The following ALK variants were observed in gnomAD, a reference collection of about 807,000 sequenced individuals.
The protein encoded by ALK is ALK receptor tyrosine kinase, also known as ALK tyrosine kinase receptor.
In ALK, 74 loss-of-function variants were observed where a neutral mutation model predicts 163.1. The observed-to-expected ratio is 0.45, with a 90% CI of 0.38 to 0.55. The LOEUF (loss-of-function observed/expected upper bound fraction) is 0.55. ALK is among the 20% of genes least tolerant of loss of function. ALK has a pLI of 0.00. For synonymous variants in ALK, 960 were observed against 843.2 expected, an observed-to-expected ratio of 1.14 and a Z score of -2.40; for missense variants, 2,063 against 2,105.3, an observed-to-expected ratio of 0.98 and a Z score of 0.39.
intron 5 of ALK, among the ~76,000 whole-genome samples, chr2:29,381,646 A>G (rs1317283317): frequency 6.6e-6 from 1 of 152,230 alleles, no homozygotes; most frequent in African/African-American, 2.4e-5. Flanking sequence ...ACCTTCCTAC[A>G]GTCCTGGCCA....
At chr2:29,667,447 G>A (rs910725889) in intron 3 of ALK, among the ~76,000 whole-genome samples, 7 of 151,838 alleles carry the variant, frequency 4.6e-5, no homozygotes, top group African/African-American at 1.7e-4. Context: ...TGTTAGCTGT[G>A]GGTTTCTCAC....
At chr2:29,897,541 T>C (rs1182133773) in intron 1 of ALK, among the ~76,000 whole-genome samples, 1 of 152,092 alleles carries the variant, frequency 6.6e-6, no homozygotes, top group Admixed American at 6.5e-5. Flanking sequence ...AGGATTCTCT[T>C]GGGAGGCTTT....
intron 3 of ALK, among the ~76,000 whole-genome samples, chr2:29,685,821 C>CA (rs1484590943): frequency 6.6e-6 from 1 of 152,202 alleles, no homozygotes; most frequent in Non-Finnish European, 1.5e-5. Context: ...TGCGTTCCTT[C>CA]TGAATGAGCT....
chr2:29,883,449 T>A (rs997885808), intron 1 of ALK, among the ~76,000 whole-genome samples: 1 of 152,242 alleles, frequency 6.6e-6, no homozygotes, highest in Non-Finnish European at 1.5e-5. Flanking sequence ...TCCTCTGGCC[T>A]CTGCCCTGTG....
intron 26 of ALK, among the ~76,000 whole-genome samples, chr2:29,202,572 A>G (rs569793699): frequency 2.6e-5 from 4 of 152,256 alleles, no homozygotes; most frequent in Non-Finnish European, 5.9e-5. Context: ...TTTTTAAACA[A>G]TGCGTGAAAG....
chr2:29,232,395 C>T lies in ALK; in HGVS notation c.2541G>A (p.Arg847=). 6.2e-7 allele frequency: 1 copy of T among 1,614,254 alleles called. No homozygotes were observed. The highest frequency in any genetic ancestry group is 8.5e-7 in the Non-Finnish European group (1 of 1,180,050). ...ACGTGTCTGTCTTGGCCCCGTAGGCCCTGCCACCACCTCCGGCTGCAATGA... is the reference window on the plus strand; with the variant it reads ...ACGTGTCTGTCTTGGCCCCGTAGGCTCTGCCACCACCTCCGGCTGCAATGA... ...PLIIAAGGGG[R]AYGAKTDTFH... is the part of the protein sequence containing the mutation. The change falls in exon 15 of 29, where the codon AGG becomes AGA. Residue 847 remains arginine (R), a synonymous_variant. Coordinates refer to ENST00000389048, the MANE Select transcript of ALK (RefSeq NM_004304.5).
In ALK at chr2:29,920,031, G is replaced by A. The variant is rs1382146302; in HGVS notation, c.629C>T (p.Ala210Val). 1.9e-6 allele frequency: 3 copies of A among 1,614,008 alleles called. No individual in the cohort carries two copies. Among genetic ancestry groups the A allele is most frequent in the Non-Finnish European group, 2.5e-6 (3 of 1,180,040 alleles). Residue 210 changes from alanine to valine, a missense_variant, in exon 1 of 29, where the codon GCC becomes GTC. This residue lies in a region of ALK where 987 missense variants were observed against 939.5 expected (regional missense o/e 1.05). Coordinates refer to ENST00000389048, the MANE Select transcript of ALK (RefSeq NM_004304.5). ...REGRLSAAIR[A>V]SQPRLLFQIF... Reference sequence around the variant, plus strand: ...CTGGAAGAGAAGGCGGGGCTGGGAGGCGCGAATTGCCGCGGACAGCCTTCC... The same window carrying A: ...CTGGAAGAGAAGGCGGGGCTGGGAGACGCGAATTGCCGCGGACAGCCTTCC...
At chr2:29,417,044 G>A (rs1669898729) in intron 4 of ALK, among the ~76,000 whole-genome samples, 1 of 138,984 alleles carries the variant, frequency 7.2e-6, no homozygotes, top group Admixed American at 7.7e-5. Context: ...CTGGAGTGCA[G>A]TGGCGGGATC....
Position 29,485,405 on chromosome 2 carries a change from T to C in ALK, c.1154+46510A>G, listed in dbSNP as rs550707555. Among the ~76,000 whole-genome samples, 4 of 152,378 alleles carry C rather than the reference T, an allele frequency of 2.6e-5. 1 individual carries two copies. The South Asian group carries it at 8.3e-4, about 32-fold the overall frequency. On this transcript the variant is annotated intron_variant, in intron 4 of 28. Coordinates refer to ENST00000389048, the MANE Select transcript of ALK (RefSeq NM_004304.5). The stretch of plus-strand genomic sequence containing the variant: ...TGTTTCTAATATGTATAATTGGTTC[T>C]TTTCCATATCTACCTGTTCTCATTT...
intron 4 of ALK, among the ~76,000 whole-genome samples, chr2:29,429,023 C>T (rs946772880): frequency 4.0e-5 from 6 of 151,894 alleles, no homozygotes; most frequent in South Asian, 2.1e-4. Context: ...TCTCAACAGA[C>T]GCAGAAAGAA....
At chr2:29,533,450 A>G (rs1260078149) in intron 3 of ALK, among the ~76,000 whole-genome samples, 2 of 152,198 alleles carry the variant, frequency 1.3e-5, no homozygotes, top group Non-Finnish European at 2.9e-5. Context: ...TTTGAAAGTT[A>G]AGACCATACT....
chr2:29,779,170 A>C (rs1303417612), intron 1 of ALK, among the ~76,000 whole-genome samples: 1 of 152,092 alleles, frequency 6.6e-6, no homozygotes, highest in African/African-American at 2.4e-5. Context: ...AAAAACAAAA[A>C]AACAAAAAAA....
In ALK at chr2:29,223,441, G is replaced by A. The variant is rs113994090; in HGVS notation, c.3260C>T (p.Thr1087Ile). The part of the protein sequence containing the change: ...EYKLSKLRTS[T>I]IMTDYNPNYC... ...GTTGGGGTTGTAGTCGGTCATGATGGTCGAGGTGCGGAGCTTGCTCAGCTT... is the reference window on the plus strand; with the variant it reads ...GTTGGGGTTGTAGTCGGTCATGATGATCGAGGTGCGGAGCTTGCTCAGCTT... The change falls in exon 20 of 29, where the codon ACC becomes ATC. Residue 1087 changes from threonine (T) to isoleucine (I), a missense_variant. Physicochemically the swap from Thr to Ile is moderately conservative, Grantham distance 89 (BLOSUM62 -1). Transcript: ENST00000389048. 26 of 1,614,172 alleles carry A rather than the reference G, an allele frequency of 1.6e-5. No individual in the cohort carries two copies. The East Asian group carries it at 3.1e-4, about 19-fold the overall frequency.
intron 9 of ALK, among the ~76,000 whole-genome samples, chr2:29,294,864 A>G (rs1666131971): frequency 6.6e-6 from 1 of 152,138 alleles, no homozygotes; most frequent in South Asian, 2.1e-4. Context: ...TTTCATCTAG[A>G]GTGCTTCTTT....
intron 4 of ALK, among the ~76,000 whole-genome samples, chr2:29,480,566 C>CT (rs1490675585): frequency 6.6e-6 from 1 of 152,038 alleles, no homozygotes; most frequent in African/African-American, 2.4e-5. Context: ...CTTGTCTCTG[C>CT]TTTTTATTGC....
intron 4 of ALK, among the ~76,000 whole-genome samples, chr2:29,458,798 C>T (rs192109050): frequency 1.6e-4 from 25 of 152,256 alleles, no homozygotes; most frequent in Non-Finnish European, 2.8e-4. Context: ...TGAGTGCTTA[C>T]ACTGTGGAGG....
intron 4 of ALK, among the ~76,000 whole-genome samples, chr2:29,499,801 G>A (rs982663260): frequency 5.3e-5 from 8 of 151,948 alleles, no homozygotes; most frequent in Admixed American, 2.6e-4. Flanking sequence ...GGTGCCTCCA[G>A]GTGTCTTCCT....
rs1192258074 is a variant in ALK at position 29,274,961 on chromosome 2, C to T, written c.2041+138G>A. The T allele has an allele frequency of 6.1e-6, 7 of 1,155,328 alleles. No homozygotes were observed. The East Asian group carries it at 1.4e-4, about 24-fold the overall frequency. 71.6% of individuals were successfully genotyped at this position (1,155,328 alleles called of 1,614,324 possible). On this transcript the variant is annotated intron_variant, in intron 11 of 28. Transcript: ENST00000389048. ...ACAGCTTCCCCTTGGACCCCATAGT[C>T]AGAGTGTAGGTGATACTCCTTCTAA...
chr2:29,887,315 G>A (rs866736551), intron 1 of ALK, among the ~76,000 whole-genome samples: 1 of 152,148 alleles, frequency 6.6e-6, no homozygotes, highest in African/African-American at 2.4e-5. Flanking sequence ...AGGAAGTCTG[G>A]GCTTAGCTGG....
Sources: allele counts gnomAD v4.1 joint callset (sites outside exome capture counted in the v4.1 genomes callset), GRCh38; gene constraint gnomAD v4.1.1; regional missense constraint gnomAD v4.1.1; transcripts MANE v1.5; gene names NCBI Gene and HGNC (gene_info 2026-07-23, HGNC 2026-07-21).